The following LRRN4 variants were observed in gnomAD, a reference collection of about 807,000 sequenced individuals.
LRRN4 encodes the protein leucine-rich repeat neuronal protein 4.
A neutral mutation model predicts 22.3 loss-of-function variants in LRRN4; 26 were observed. The ratio of observed to expected loss-of-function variants is 1.16; its 90% CI spans 0.85 to 1.62. LRRN4 has a LOEUF of 1.62. Among genes scored for constraint, LRRN4 ranks in the 40% most tolerant of loss-of-function variants. LRRN4 has a pLI of 0.00. For synonymous variants in LRRN4, 496 were observed against 486.2 expected (o/e 1.02, Z -0.26); for missense variants, 1,070 against 1,008.5 (o/e 1.06, Z -0.83).
chr20:6,046,939 C>T (rs1031665761), intron 3 of LRRN4, among the ~76,000 whole-genome samples: 63 of 151,926 alleles, frequency 4.1e-4, no homozygotes, highest in African/African-American at 1.4e-3. Flanking sequence ...TTTTCTTTTT[C>T]CCTGAAGTGG....
At chr20:6,050,666 A>G in intron 3 of LRRN4, 113 bp downstream of exon 3, 1 of 1,056,694 alleles carries the variant, frequency 9.5e-7, no homozygotes, top group Non-Finnish European at 1.5e-6. Context: ...CCCAGAGAGG[A>G]TTTGGAAGAG....
At chr20:6,043,328 T>C (rs1016515388) in intron 4 of LRRN4, among the ~76,000 whole-genome samples, 12 of 152,118 alleles carry the variant, frequency 7.9e-5, no homozygotes, top group Non-Finnish European at 1.6e-4. Context: ...GGCAGGAGGA[T>C]TGCTTGAGCC....
In LRRN4 at chr20:6,040,822, C is replaced by G. The variant is rs1423349537; in HGVS notation, c.*200G>C. On this transcript the variant is annotated 3_prime_UTR_variant, in exon 5 of 5. Coordinates refer to ENST00000378858, the MANE Select transcript of LRRN4 (RefSeq NM_152611.5). ...GCATTGACCATCAGGTTTCTGGGAACAGAGTTAAGTAGAAGGAAGGGAGGG... is the reference window on the plus strand; with the variant it reads ...GCATTGACCATCAGGTTTCTGGGAAGAGAGTTAAGTAGAAGGAAGGGAGGG... 1 of 689,168 alleles carries G rather than the reference C, an allele frequency of 1.5e-6. No homozygotes were observed. Among genetic ancestry groups the G allele is most frequent in the East Asian group, 2.8e-5 (1 of 35,462 alleles). 42.7% of individuals were successfully genotyped at this position (689,168 alleles called of 1,614,324 possible).
chr20:6,052,302 G>A lies in LRRN4; in HGVS notation c.498C>T (p.Phe166=), dbSNP rs753634596. ...NPLRALQPRA[F]ACFPALQLLN... Reference sequence around the variant, plus strand: ...GGAGCTGCAGCGCGGGGAAGCAGGCGAAGGCCCGGGGCTGCAGCGCCCGCA... The same window carrying A: ...GGAGCTGCAGCGCGGGGAAGCAGGCAAAGGCCCGGGGCTGCAGCGCCCGCA... The change falls in exon 2 of 5, where the codon TTC becomes TTT. Residue 166 remains phenylalanine (F), a synonymous_variant. Transcript: ENST00000378858. 6.5e-7 allele frequency: 1 copy of A among 1,532,706 alleles called. No homozygotes were observed. The highest frequency in any genetic ancestry group is 1.2e-5 in the South Asian group (1 of 83,012). 94.9% of individuals were successfully genotyped at this position (1,532,706 alleles called of 1,614,324 possible). A position where few individuals can be genotyped will look rare whatever the true frequency, so the allele number is the denominator to read the frequency against.
chr20:6,047,463 C>G (rs935183168), intron 3 of LRRN4, among the ~76,000 whole-genome samples: 1 of 146,516 alleles, frequency 6.8e-6, no homozygotes, highest in Non-Finnish European at 1.5e-5. Flanking sequence ...CACACACACA[C>G]ACACAGAGAC....
rs1264246812 is a variant in LRRN4 at position 6,052,775 on chromosome 20, G to A, written c.25C>T (p.Leu9=). 3 of 1,574,660 alleles carry A rather than the reference G, an allele frequency of 1.9e-6. No homozygotes were observed. The highest frequency in any genetic ancestry group is 8.6e-7 in the Non-Finnish European group (1 of 1,167,964). Residue 9 remains leucine (L), a synonymous_variant, in exon 2 of 5, where the codon CTG becomes TTG. Transcript: ENST00000378858. The part of the protein sequence containing the change: MRQTLPLL[L]LTVLRPSWAD... ...CAGCTGGGGCGCAGCACCGTCAGCA[G>A]CAGCAGCGGTAGGGTTTGCCGCATG...
chr20:6,044,539 T>G lies in LRRN4; in HGVS notation c.998+4A>C. 1.3e-6 allele frequency: 2 copies of G among 1,517,854 alleles called. No individual in the cohort carries two copies. Among genetic ancestry groups the G allele is most frequent in the Non-Finnish European group, 1.8e-6 (2 of 1,132,196 alleles). The allele number at this position is 1,517,854 out of a possible 1,614,324, so 94.0% of individuals were successfully genotyped here. On this transcript the variant is annotated splice_donor_region_variant and intron_variant, in intron 4 of 4. Coordinates refer to ENST00000378858, the MANE Select transcript of LRRN4 (RefSeq NM_152611.5). ...CTCAGCCATCTGCTTTGTAAATGTG[T>G]TACCTGCTTAGGACAGTTCTCTTTG...
rs530599377 is a variant in LRRN4 at position 6,052,690 on chromosome 20, C to T, written c.110G>A (p.Gly37Glu). 1.1e-5 allele frequency: 17 copies of T among 1,572,488 alleles called. No homozygotes were observed. The East Asian group carries it at 3.7e-4, about 34-fold the overall frequency. ...LFRVTQQGPW[G>E]SSGSNATDSP... ...GTCGGTGGCGTTGCTGCCACTGCTC[C>T]CCCAGGGGCCCTGCTGAGTGACCCG... is the stretch of plus-strand genomic sequence containing the variant. The change falls in exon 2 of 5, where the codon GGG becomes GAG. Residue 37 changes from glycine to glutamate, a missense_variant. Gly to Glu is a moderately conservative substitution (Grantham distance 98, BLOSUM62 -2). Transcript: ENST00000378858.
chr20:6,042,762 T>C (rs1981000783), intron 4 of LRRN4, among the ~76,000 whole-genome samples: 1 of 151,562 alleles, frequency 6.6e-6, no homozygotes, highest in East Asian at 2.0e-4. Flanking sequence ...CTACTAAAAA[T>C]ACAAAAATTA....
intron 3 of LRRN4, among the ~76,000 whole-genome samples, chr20:6,048,940 G>T (rs1324825228): frequency 6.6e-6 from 1 of 152,226 alleles, no homozygotes; most frequent in Non-Finnish European, 1.5e-5. Context: ...AGCCAGGAAG[G>T]CTGGAGAAGC....
Position 6,052,240 on chromosome 20 carries a change from T to C in LRRN4, c.560A>G (p.Gln187Arg). Residue 187 changes from glutamine to arginine, a missense_variant, in exon 2 of 5, where the codon CAG becomes CGG. Transcript: ENST00000378858. The stretch of plus-strand genomic sequence containing the variant: ...GAACGCCGCCTCGGCGATGCCCCCC[T>C]GGGCTCCGCGACCCAGCGCGGTGCA... ...LSCTALGRGA[Q>R]GGIAEAAFAG... The C allele has an allele frequency of 6.4e-7, 1 of 1,566,350 alleles. No individual in the cohort carries two copies. Among genetic ancestry groups the C allele is most frequent in the Non-Finnish European group, 8.6e-7 (1 of 1,156,556 alleles).
intron 4 of LRRN4, 101 bp downstream of exon 4, chr20:6,044,442 A>C: frequency 8.2e-7 from 1 of 1,223,512 alleles, no homozygotes; most frequent in Non-Finnish European, 1.0e-6. Flanking sequence ...AACATGGCCA[A>C]AGTGCCAAGC....
In LRRN4 at chr20:6,041,493, C is replaced by T. The variant is rs1395547882; in HGVS notation, c.1752G>A (p.Arg584=). 2.6e-6 allele frequency: 4 copies of T among 1,558,998 alleles called. No individual in the cohort carries two copies. The highest frequency in any genetic ancestry group is 2.4e-5 in the South Asian group (2 of 81,748). The change falls in exon 5 of 5, where the codon AGG becomes AGA. Residue 584 remains arginine (R), a synonymous_variant. Transcript: ENST00000378858. This position sits in a 1 kb window ranked among gnomAD's most constrained non-coding sequence, Gnocchi z 9.4. ...SGEDTIPDPP[R]LQGVTETTDT... ...CCGTGGTCTCCGTCACCCCCTGCAG[C>T]CTGGGCGGGTCTGGGATGGTGTCTT...
intron 1 of LRRN4, 35 bp from the exon 2 acceptor site, chr20:6,052,839 A>G: frequency 5.3e-6 from 8 of 1,516,372 alleles, no homozygotes; most frequent in Middle Eastern, 1.7e-4. Flanking sequence ...CATCAAATCC[A>G]CAGGAACCCC....
chr20:6,051,776 A>G (rs1432150997), intron 2 of LRRN4, among the ~76,000 whole-genome samples: 1 of 152,186 alleles, frequency 6.6e-6, no homozygotes, highest in Non-Finnish European at 1.5e-5. Flanking sequence ...CCATTCCACA[A>G]GCACTTATCC....
rs552441380 is a variant in LRRN4, at chr20:6,053,969, C to T, written c.-145G>A. ...AGAGGGAGGCCTGTCTCCCAGCTGC[C>T]TCTCTCCCACAACCCCCATCCACTG... is the stretch of plus-strand genomic sequence containing the variant. On this transcript the variant is annotated 5_prime_UTR_variant, in exon 1 of 5. Transcript: ENST00000378858. 6.6e-6 allele frequency: 1 copy of T among 152,594 alleles called. No individual in the cohort carries two copies. The highest frequency in any genetic ancestry group is 2.1e-4 in the South Asian group (1 of 4,822). The allele number at this position is 152,594 out of a possible 1,614,324, so 9.5% of individuals were successfully genotyped here.
At position 6,041,268 on chromosome 20, in the gene LRRN4, C is replaced by G; in HGVS notation, c.1977G>C (p.Leu659Phe). The G allele has an allele frequency of 6.3e-7, 1 of 1,586,552 alleles. No homozygotes were observed. Among genetic ancestry groups the G allele is most frequent in the Non-Finnish European group, 8.6e-7 (1 of 1,168,342 alleles). Residue 659 changes from leucine (L) to phenylalanine (F), a missense_variant, in exon 5 of 5, where the codon TTG becomes TTC. Leu to Phe is a conservative substitution (Grantham distance 22). Coordinates refer to ENST00000378858, the MANE Select transcript of LRRN4 (RefSeq NM_152611.5). This position sits in a 1 kb window ranked among gnomAD's most constrained non-coding sequence, Gnocchi z 9.4. ...VCVLAANRAG[L>F]SQPRSSGWRS... ...TCCAGCCCGAAGACCGTGGCTGGCT[C>G]AAGCCCGCCCTGTTGGCCGCCAGCA...
rs1980891720 is a variant in LRRN4, at chr20:6,040,565, T to C, written c.*457A>G. On this transcript the variant is annotated 3_prime_UTR_variant, in exon 5 of 5. Transcript: ENST00000378858. Reference sequence around the variant, plus strand: ...TGGAAATCCACTGGAATTGATTTCTTGAATAACAGAGCTCGTTGTGTCTTA... The same window carrying C: ...TGGAAATCCACTGGAATTGATTTCTCGAATAACAGAGCTCGTTGTGTCTTA... Among the ~76,000 whole-genome samples the C allele has an allele frequency of 6.6e-6, 1 of 152,238 alleles. No homozygotes were observed. The highest frequency in any genetic ancestry group is 6.5e-5 in the Admixed American group (1 of 15,288).
At chr20:6,042,918 C>CAA (rs11482044) in intron 4 of LRRN4, among the ~76,000 whole-genome samples, 2,688 of 124,104 alleles carry the variant, frequency 0.022, 58 homozygotes, top group African/African-American at 0.049. Context: ...GACTCTGTCT[C>CAA]AAAAAAAAAA....
Sources: allele counts gnomAD v4.1 joint callset (sites outside exome capture counted in the v4.1 genomes callset), GRCh38; gene constraint gnomAD v4.1.1; non-coding constraint Gnocchi (gnomAD v3.1); transcripts MANE v1.5; gene names NCBI Gene and HGNC (gene_info 2026-07-23, HGNC 2026-07-21).